Variants in MFSD6 observed in about 807,000 individuals in gnomAD.
MFSD6 encodes major facilitator superfamily domain-containing protein 6.
Under a neutral mutation model 56.3 loss-of-function variants are expected in MFSD6, and 26 were observed. The ratio of observed to expected loss-of-function variants is 0.46; its 90% confidence interval spans 0.34 to 0.64. MFSD6 has a LOEUF of 0.64. Among genes scored for constraint, MFSD6 ranks in the 30% least tolerant of loss-of-function variants. The pLI is 0.01. For synonymous variants in MFSD6, 331 were observed against 366.9 expected (o/e 0.90, Z 1.12); for missense variants, 750 against 986.2 (o/e 0.76, Z 3.21).
At chr2:190,430,740 G>A (rs1365059299) in intron 2 of MFSD6, among the ~76,000 whole-genome samples, 3 of 151,184 alleles carry the variant, frequency 2.0e-5, no homozygotes, top group Non-Finnish European at 4.4e-5. Context: ...CAGACGGGGT[G>A]GTGGCCAGGC....
chr2:190,436,105 T>C lies in MFSD6; in HGVS notation c.76T>C (p.Phe26Leu), dbSNP rs145417181. ...GAGAAAGTATGTGCTTGCAGATCCC[T>C]TTAATGGTATTTCCAGGGAACCAGA... ...QKRKYVLADP[F>L]NGISREPEPP... The change falls in exon 3 of 8, where the codon TTT becomes CTT. Residue 26 changes from phenylalanine (F) to leucine (L), a missense_variant. Phe to Leu is a conservative substitution (Grantham distance 22, BLOSUM62 0). This residue lies in a region of MFSD6 where 76 missense variants were observed against 101.9 expected (regional missense o/e 0.75). Coordinates refer to ENST00000392328, the MANE Select transcript of MFSD6 (RefSeq NM_017694.4). The surrounding 1 kb of genome is among the most constrained non-coding windows in gnomAD (Gnocchi z 5.3). The C allele has an allele frequency of 1.2e-6, 2 of 1,614,236 alleles. No individual in the cohort carries two copies. Among genetic ancestry groups the C allele is most frequent in the African/African-American group, 1.3e-5 (1 of 75,062 alleles).
rs2125153878 is a variant in MFSD6 at position 190,471,841 on chromosome 2, A to AGTAGG, written c.1630+1988_1630+1992dup. 6.6e-6 allele frequency among the ~76,000 whole-genome samples: 1 copy of AGTAGG among 152,310 alleles called. No individual in the cohort carries two copies. The highest frequency in any genetic ancestry group is 6.5e-5 in the Admixed American group (1 of 15,304). ...GTAGCCTAACTGGGAGGCACCCCCCAGTAGGGGCAGACTGATAACTCATAC... is the reference window on the plus strand; with the variant it reads ...GTAGCCTAACTGGGAGGCACCCCCCAGTAGGGTAGGGGCAGACTGATAACTCATAC... On this transcript the variant is annotated intron_variant, in intron 4 of 7. Coordinates refer to ENST00000392328, the MANE Select transcript of MFSD6 (RefSeq NM_017694.4). The surrounding 1 kb of genome is among the most constrained non-coding windows in gnomAD (Gnocchi z 4.7).
At position 190,437,083 on chromosome 2, in the gene MFSD6, G is replaced by C; in HGVS notation, c.1054G>C (p.Glu352Gln). Residue 352 changes from glutamate to glutamine, a missense_variant, in exon 3 of 8, where the codon GAA becomes CAA. This residue lies in a region of MFSD6 where 376 missense variants were observed against 437.9 expected (regional missense o/e 0.86). Coordinates refer to ENST00000392328, the MANE Select transcript of MFSD6 (RefSeq NM_017694.4). This position sits in a 1 kb window ranked among gnomAD's most constrained non-coding sequence, Gnocchi z 5.9. ...VGIGIDYTHIEVLIDGKGCKP... is the reference protein window; with the variant it reads ...VGIGIDYTHIQVLIDGKGCKP... ...CATCGGGATCGACTACACCCACATC[G>C]AAGTGCTCATCGATGGAAAGGGGTG... 6.2e-7 allele frequency: 1 copy of C among 1,614,244 alleles called. No individual in the cohort carries two copies. The highest frequency in any genetic ancestry group is 1.1e-5 in the South Asian group (1 of 91,086).
In MFSD6 at chr2:190,501,988, G is replaced by A. The variant is rs574162989; in HGVS notation, c.*1770G>A. 1 of 152,694 alleles carries A rather than the reference G, an allele frequency of 6.5e-6. No individual in the cohort carries two copies. Among genetic ancestry groups the A allele is most frequent in the Admixed American group, 6.5e-5 (1 of 15,294 alleles). 9.5% of individuals were successfully genotyped at this position (152,694 alleles called of 1,614,324 possible). A position where few individuals can be genotyped will look rare whatever the true frequency, so the allele number is the denominator to read the frequency against. ...GTCAAAAACTTGTACTGTATCTTGT[G>A]TTTACAGTTCTGATTTATTCCTTTG... On this transcript the variant is annotated 3_prime_UTR_variant, in exon 8 of 8. Coordinates refer to ENST00000392328, the MANE Select transcript of MFSD6 (RefSeq NM_017694.4).
intron 3 of MFSD6, among the ~76,000 whole-genome samples, chr2:190,464,158 G>A (rs368941883): frequency 8.5e-5 from 13 of 152,312 alleles, no homozygotes; most frequent in Non-Finnish European, 1.6e-4. Context: ...GCATCTTTGC[G>A]TGAGGGCTTG....
Position 190,469,824 on chromosome 2 carries a change from C to T in MFSD6, c.1599C>T (p.Ala533=), listed in dbSNP as rs776599573. 2 of 1,608,862 alleles carry T rather than the reference C, an allele frequency of 1.2e-6. No individual in the cohort carries two copies. The highest frequency in any genetic ancestry group is 1.7e-5 in the Admixed American group (1 of 59,372). The change falls in exon 4 of 8, where the codon GCC becomes GCT. Residue 533 remains alanine (A), a synonymous_variant. Coordinates refer to ENST00000392328, the MANE Select transcript of MFSD6 (RefSeq NM_017694.4). The surrounding 1 kb of genome is among the most constrained non-coding windows in gnomAD (Gnocchi z 5.3). ...RYIYISYLEN[A]WTVLPMEVLQ... ...TTTATATTTCCTACCTGGAGAATGCCTGGACTGTTCTCCCCATGGAAGTTC... is the reference window on the plus strand; with the variant it reads ...TTTATATTTCCTACCTGGAGAATGCTTGGACTGTTCTCCCCATGGAAGTTC...
In MFSD6 at chr2:190,433,048, G is replaced by GT. The variant is rs1241083354; in HGVS notation, c.-53-2928dup. ...ACCAATTGTTTACTTTCTGCTTTCC[G>GT]TAATTTTATTTTATTGCTATTATGT... is the stretch of plus-strand genomic sequence containing the variant. On this transcript the variant is annotated intron_variant, in intron 2 of 7. Transcript: ENST00000392328. The surrounding 1 kb of genome is among the most constrained non-coding windows in gnomAD (Gnocchi z 4.5). Among the ~76,000 whole-genome samples the GT allele has an allele frequency of 6.6e-6, 1 of 152,076 alleles. No homozygotes were observed. The highest frequency in any genetic ancestry group is 2.4e-5 in the African/African-American group (1 of 41,402).
intron 2 of MFSD6, among the ~76,000 whole-genome samples, chr2:190,420,444 CG>C (rs1685570431): frequency 6.6e-6 from 1 of 152,108 alleles, no homozygotes; most frequent in African/African-American, 2.4e-5. Context: ...TACCTCCAAA[CG>C]GGGCTACCTC....
At chr2:190,411,596 G>A in intron 1 of MFSD6, 2 of 978,322 alleles carry the variant, frequency 2.0e-6, no homozygotes, top group Non-Finnish European at 2.4e-6. Context: ...AACTAAAAAG[G>A]AAAACAAAAG....
At chr2:190,435,143 T>C (rs897762610) in intron 2 of MFSD6, among the ~76,000 whole-genome samples, 4 of 152,218 alleles carry the variant, frequency 2.6e-5, no homozygotes, top group African/African-American at 9.7e-5. Context: ...ACTACCATCG[T>C]AGAGAGCATG....
At chr2:190,466,015 T>TCCGA (rs1687586733) in intron 3 of MFSD6, among the ~76,000 whole-genome samples, 2 of 152,306 alleles carry the variant, frequency 1.3e-5, no homozygotes, top group South Asian at 4.1e-4. Context: ...AGGCAAAAAG[T>TCCGA]CCGAGATCAA....
chr2:190,471,270 C>T lies in MFSD6; in HGVS notation c.1630+1415C>T, dbSNP rs937390377. On this transcript the variant is annotated intron_variant, in intron 4 of 7. Transcript: ENST00000392328. This position sits in a 1 kb window ranked among gnomAD's most constrained non-coding sequence, Gnocchi z 4.7. ...AGGATAGTGGGTGCAGCGCGGTGAG[C>T]GTGAGCTGAAGCAGGGCGAGGCATC... 2.0e-5 allele frequency among the ~76,000 whole-genome samples: 3 copies of T among 152,240 alleles called. No homozygotes were observed. The highest frequency in any genetic ancestry group is 7.2e-5 in the African/African-American group (3 of 41,554).
At chr2:190,486,593 C>T (rs1689022345) in intron 4 of MFSD6, among the ~76,000 whole-genome samples, 1 of 152,182 alleles carries the variant, frequency 6.6e-6, no homozygotes, top group Admixed American at 6.5e-5. Context: ...TGCTGATGTC[C>T]CTCAGGAACC....
intron 2 of MFSD6, among the ~76,000 whole-genome samples, chr2:190,427,354 T>G (rs1436174967): frequency 6.6e-6 from 1 of 152,210 alleles, no homozygotes; most frequent in Non-Finnish European, 1.5e-5. Context: ...CCTTTGATGG[T>G]GTGGGCAGGA....
Position 190,474,126 on chromosome 2 carries a change from A to T in MFSD6, c.1630+4271A>T, listed in dbSNP as rs1174822469. On this transcript the variant is annotated intron_variant, in intron 4 of 7. Coordinates refer to ENST00000392328, the MANE Select transcript of MFSD6 (RefSeq NM_017694.4). ...CAAGAGAAAGCAGGAAAGATCCAAA[A>T]TTGACGCCCTAACATCACAATTAAA... Among the ~76,000 whole-genome samples, 3 of 152,194 alleles carry T rather than the reference A, an allele frequency of 2.0e-5. No homozygotes were observed. The South Asian group carries it at 6.2e-4, about 32-fold the overall frequency.
In MFSD6 at chr2:190,495,116, A is replaced by G. The variant is rs1336273156; in HGVS notation, c.1892-2323A>G. On this transcript the variant is annotated intron_variant, in intron 6 of 7. Coordinates refer to ENST00000392328, the MANE Select transcript of MFSD6 (RefSeq NM_017694.4). The surrounding 1 kb of genome is among the most constrained non-coding windows in gnomAD (Gnocchi z 4.7). ...CTAGAAAACCCTAAAGACTCCTCCT[A>G]AAAGCTCTTAGAACTGATAAATGAA... 1.3e-5 allele frequency among the ~76,000 whole-genome samples: 2 copies of G among 152,182 alleles called. No individual in the cohort carries two copies. The highest frequency in any genetic ancestry group is 6.5e-5 in the Admixed American group (1 of 15,274).
At chr2:190,473,285 G>C (rs1255388370) in intron 4 of MFSD6, among the ~76,000 whole-genome samples, 5 of 152,136 alleles carry the variant, frequency 3.3e-5, no homozygotes, top group Non-Finnish European at 7.4e-5. Flanking sequence ...AAAAGACACA[G>C]ACTGGCAAAT....
chr2:190,473,975 T>C (rs1269448427), intron 4 of MFSD6, among the ~76,000 whole-genome samples: 1 of 151,902 alleles, frequency 6.6e-6, no homozygotes, highest in African/African-American at 2.4e-5. Context: ...ACTGGGTACA[T>C]AAGGAAATGA....
rs1690777000 is a variant in MFSD6 at position 190,416,412 on chromosome 2, T to C, written c.-54+999T>C. Reference sequence around the variant, plus strand: ...GTTACAAATATAAGTAAAATGTTTCTACAGAATATTTTATTTTAAGTGAAT... The same window carrying C: ...GTTACAAATATAAGTAAAATGTTTCCACAGAATATTTTATTTTAAGTGAAT... On this transcript the variant is annotated intron_variant, in intron 2 of 7. Transcript: ENST00000392328. The surrounding 1 kb of genome is among the most constrained non-coding windows in gnomAD (Gnocchi z 4.1). Among the ~76,000 whole-genome samples, 1 of 152,266 alleles carries C rather than the reference T, an allele frequency of 6.6e-6. No individual in the cohort carries two copies. Among genetic ancestry groups the C allele is most frequent in the South Asian group, 2.1e-4 (1 of 4,838 alleles).
Sources: gnomAD v4.1 joint callset for allele counts (sites outside exome capture counted in the v4.1 genomes callset) on GRCh38, gnomAD v4.1.1 for gene constraint, gnomAD v4.1.1 regional missense constraint, Gnocchi (gnomAD v3.1) non-coding constraint, MANE v1.5 for transcripts, NCBI Gene and HGNC (gene_info 2026-07-23, HGNC 2026-07-21) for gene names.